Variants in RGS7 observed in about 807,000 individuals in gnomAD.
RGS7 encodes the protein regulator of G protein signaling 7.
RGS7 carries 27 observed loss-of-function variants against 81.1 expected under a neutral mutation model. That is an observed-to-expected ratio of 0.33 (90% CI 0.25 to 0.46). The LOEUF (loss-of-function observed/expected upper bound fraction) is 0.46. RGS7 is among the 20% of genes least tolerant of loss of function. RGS7 has a pLI of 1.00. For missense variants in RGS7, 396 were observed against 607.4 expected (o/e 0.65, Z 3.66); for synonymous variants, 208 against 207.7 (o/e 1.00, Z -0.01).
At chr1:241,001,418 A>G (rs1572204469) in intron 3 of RGS7, among the ~76,000 whole-genome samples, 1 of 152,224 alleles carries the variant, frequency 6.6e-6, no homozygotes, top group Non-Finnish European at 1.5e-5. Flanking sequence ...AAGGATAAAT[A>G]GTAAAATAGT....
At chr1:240,934,341 T>C (rs1168687313) in intron 5 of RGS7, among the ~76,000 whole-genome samples, 2 of 152,234 alleles carry the variant, frequency 1.3e-5, no homozygotes, top group Non-Finnish European at 2.9e-5. Context: ...TACTTTAATT[T>C]ATGATTTTAA....
At chr1:241,112,831 A>T (rs2065620974) in intron 2 of RGS7, among the ~76,000 whole-genome samples, 1 of 152,172 alleles carries the variant, frequency 6.6e-6, no homozygotes, top group Admixed American at 6.5e-5. Context: ...TATTTTTCAG[A>T]AGTATTTGAA....
intron 12 of RGS7, among the ~76,000 whole-genome samples, chr1:240,813,992 T>C (rs1170632188): frequency 6.6e-6 from 1 of 152,194 alleles, no homozygotes; most frequent in African/African-American, 2.4e-5. Flanking sequence ...TGAAGCACTA[T>C]GGAAGAGGTC....
At chr1:240,855,308 CA>C (rs758331434) in intron 9 of RGS7, among the ~76,000 whole-genome samples, 1 of 14,928 alleles carries the variant, frequency 6.7e-5, no homozygotes, top group African/African-American at 1.8e-4. Flanking sequence ...GACCATGTCT[CA>C]AAAAAAAAAA....
chr1:241,199,745 T>C (rs975945746), intron 2 of RGS7, among the ~76,000 whole-genome samples: 13 of 152,028 alleles, frequency 8.6e-5, no homozygotes, highest in African/African-American at 2.9e-4. Flanking sequence ...ATCTACTATG[T>C]TTCTCTAGAT....
intron 2 of RGS7, among the ~76,000 whole-genome samples, chr1:241,351,166 C>A (rs1166826182): frequency 1.3e-5 from 2 of 152,118 alleles, no homozygotes; most frequent in African/African-American, 4.8e-5. Context: ...CCCCTGTAAT[C>A]TCAGCAGTAT....
intron 2 of RGS7, among the ~76,000 whole-genome samples, chr1:241,291,736 G>A (rs1263139992): frequency 3.3e-5 from 5 of 151,730 alleles, no homozygotes; most frequent in African/African-American, 7.3e-5. Flanking sequence ...CTGCCACCAC[G>A]CCCGGCTTTT....
intron 14 of RGS7, among the ~76,000 whole-genome samples, chr1:240,809,191 A>G (rs1300550561): frequency 6.6e-6 from 1 of 152,230 alleles, no homozygotes; most frequent in East Asian, 1.9e-4. Flanking sequence ...CTCAAAAAAA[A>G]GAATGAGGGA....
intron 9 of RGS7, among the ~76,000 whole-genome samples, chr1:240,847,479 G>A (rs1421073096): frequency 2.0e-5 from 3 of 152,152 alleles, no homozygotes; most frequent in African/African-American, 7.2e-5. Flanking sequence ...ATAGCTGTGT[G>A]AGTTATCTTG....
At chr1:241,102,187 A>G (rs1405286358) in intron 2 of RGS7, among the ~76,000 whole-genome samples, 1 of 152,236 alleles carries the variant, frequency 6.6e-6, no homozygotes, top group Non-Finnish European at 1.5e-5. Context: ...CTAGAATGAG[A>G]CAAAAACAAA....
chr1:241,020,642 A>T lies in RGS7; in HGVS notation c.176-37513T>A, dbSNP rs140493925. Among the ~76,000 whole-genome samples, 690 of 152,316 alleles carry T rather than the reference A, an allele frequency of 4.5e-3. 2 individuals carry two copies. The highest frequency in any genetic ancestry group is 0.014 in the Middle Eastern group (4 of 294). On this transcript the variant is annotated intron_variant, in intron 3 of 18. Transcript: ENST00000440928. Reference sequence around the variant, plus strand: ...TATTTTTTTCTTTTTTGAGGGAAAGACCATTCAATCTTCTATAATGTATTA... The same window carrying T: ...TATTTTTTTCTTTTTTGAGGGAAAGTCCATTCAATCTTCTATAATGTATTA...
intron 2 of RGS7, among the ~76,000 whole-genome samples, chr1:241,278,795 C>T (rs1259176340): frequency 6.6e-6 from 1 of 152,222 alleles, no homozygotes; most frequent in Admixed American, 6.5e-5. Flanking sequence ...CATCTCTGCA[C>T]ACCTCCTTTT....
intron 18 of RGS7, among the ~76,000 whole-genome samples, chr1:240,787,431 C>T (rs191312394): frequency 2.3e-4 from 35 of 152,198 alleles, no homozygotes; most frequent in Non-Finnish European, 3.7e-4. Context: ...CCTTCGGCTA[C>T]GTAAGGCACG....
chr1:241,235,093 T>C (rs1179760239), intron 2 of RGS7, among the ~76,000 whole-genome samples: 2 of 152,218 alleles, frequency 1.3e-5, no homozygotes, highest in Non-Finnish European at 2.9e-5. Context: ...AATGATTCCA[T>C]GGATAGTCAA....
At chr1:240,932,177 GC>G (rs1286166245) in intron 5 of RGS7, among the ~76,000 whole-genome samples, 3 of 151,978 alleles carry the variant, frequency 2.0e-5, no homozygotes, top group Non-Finnish European at 4.4e-5. Flanking sequence ...TGTCTCAGAG[GC>G]CCCCCCGACT....
intron 2 of RGS7, among the ~76,000 whole-genome samples, chr1:241,293,305 T>C (rs953715049): frequency 6.6e-6 from 1 of 152,250 alleles, no homozygotes; most frequent in African/African-American, 2.4e-5. Flanking sequence ...ATGACTATGT[T>C]ACTGGTTTAT....
chr1:241,194,956 G>T lies in RGS7; in HGVS notation c.79-96194C>A, dbSNP rs140247663. 7.2e-4 allele frequency among the ~76,000 whole-genome samples: 109 copies of T among 152,328 alleles called. 1 individual carries two copies. The highest frequency in any genetic ancestry group is 2.3e-3 in the African/African-American group (96 of 41,580). On this transcript the variant is annotated intron_variant, in intron 2 of 18. Transcript: ENST00000440928. ...TCTGCAATCTACAGGGCTTCACCCT[G>T]CAAGTGAGTGTAAACAGAAAATAGA...
At chr1:240,796,187 A>G (rs1473058032) in intron 18 of RGS7, among the ~76,000 whole-genome samples, 1 of 152,214 alleles carries the variant, frequency 6.6e-6, no homozygotes, top group South Asian at 2.1e-4. Context: ...TCTTTTTACC[A>G]TGTTACCACT....
intron 18 of RGS7, 78 bp downstream of exon 18, chr1:240,800,563 A>G (rs1687862120): frequency 2.5e-6 from 2 of 804,942 alleles, no homozygotes; most frequent in Non-Finnish European, 3.9e-6. Flanking sequence ...ACACACACAC[A>G]CACAGCAGCA....
Sources: allele counts gnomAD v4.1 joint callset (sites outside exome capture counted in the v4.1 genomes callset), GRCh38; gene constraint gnomAD v4.1.1; transcripts MANE v1.5; gene names NCBI Gene and HGNC (gene_info 2026-07-23, HGNC 2026-07-21).